Variants in ABHD2 observed in about 807,000 individuals in gnomAD.
The protein encoded by ABHD2 is abhydrolase domain containing 2, acylglycerol lipase.
In ABHD2, 20 loss-of-function variants were observed where a neutral mutation model predicts 48.1. The ratio of observed to expected loss-of-function variants is 0.42; its 90% CI spans 0.29 to 0.60. ABHD2 has a LOEUF of 0.60. ABHD2 is among the 20% of genes least tolerant of loss of function. The pLI is 0.24. For synonymous variants in ABHD2, 209 were observed against 214.2 expected (o/e 0.98, Z 0.21); for missense variants, 405 against 550.9 (o/e 0.74, Z 2.65).
rs554544478 is a variant in ABHD2, at chr15:89,175,415, G to T, written c.539-397G>T. ...GGTGGGGTCTCACCATTTTGTCCAGGCTGGCCTAGCTTTTATTTAGGTCTG... is the reference window on the plus strand; with the variant it reads ...GGTGGGGTCTCACCATTTTGTCCAGTCTGGCCTAGCTTTTATTTAGGTCTG... On this transcript the variant is annotated intron_variant, in intron 5 of 10. Coordinates refer to ENST00000352732, the MANE Select transcript of ABHD2 (RefSeq NM_152924.5). The surrounding 1 kb of genome is among the most constrained non-coding windows in gnomAD (Gnocchi z 5.7). Among the ~76,000 whole-genome samples the T allele has an allele frequency of 6.6e-6, 1 of 151,992 alleles. No homozygotes were observed. The highest frequency in any genetic ancestry group is 1.5e-5 in the Non-Finnish European group (1 of 67,988).
At chr15:89,042,668 A>C in the ABHD2 span, among the ~76,000 whole-genome samples, 1 of 147,354 alleles carries the variant, frequency 6.8e-6, no homozygotes, top group African/African-American at 2.5e-5. Flanking sequence ...CTTTTTCGAG[A>C]CAGAGTCTTG....
chr15:89,053,213 A>G, the ABHD2 span, among the ~76,000 whole-genome samples: 42 of 151,898 alleles, frequency 2.8e-4, no homozygotes, highest in Admixed American at 2.3e-3. Flanking sequence ...TGATCCGCCC[A>G]CCTCAACCTC....
rs1321609178 is a variant in ABHD2 at position 89,200,749 on chromosome 15, C to T, written c.*5326C>T. 3 of 237,846 alleles carry T rather than the reference C, an allele frequency of 1.3e-5. 1 individual carries two copies. Among genetic ancestry groups the T allele is most frequent in the East Asian group, 2.1e-4 (2 of 9,446 alleles). The allele number at this position is 237,846 out of a possible 1,614,324, so 14.7% of individuals were successfully genotyped here. ...CAAGAGAAAAAAAAAAGAAATAGCA[C>T]TCTGCATGCTTTGCTCTACAAGACG... is the stretch of plus-strand genomic sequence containing the variant. On this transcript the variant is annotated 3_prime_UTR_variant, in exon 11 of 11. Coordinates refer to ENST00000352732, the MANE Select transcript of ABHD2 (RefSeq NM_152924.5).
rs958540084 is a variant in ABHD2 at position 89,176,110 on chromosome 15, G to C, written c.722+115G>C. On this transcript the variant is annotated intron_variant, in intron 6 of 10. Transcript: ENST00000352732. This position sits in a 1 kb window ranked among gnomAD's most constrained non-coding sequence, Gnocchi z 4.5. ...GGGGAACACTGTGGCCGACTGAGTA[G>C]AAGTTTCTGAGTCTTGGACTCACCT... 6 of 1,153,032 alleles carry C rather than the reference G, an allele frequency of 5.2e-6. No homozygotes were observed. Among genetic ancestry groups the C allele is most frequent in the Non-Finnish European group, 7.3e-6 (6 of 826,352 alleles). The allele number at this position is 1,153,032 out of a possible 1,614,324, so 71.4% of individuals were successfully genotyped here.
At chr15:89,108,843 G>A (rs1294657627) in intron 1 of ABHD2, among the ~76,000 whole-genome samples, 3 of 152,178 alleles carry the variant, frequency 2.0e-5, no homozygotes, top group African/African-American at 7.2e-5. Context: ...GAAAATGGCC[G>A]TTTTCTGTTA....
chr15:89,058,091 TGAA>T, the ABHD2 span, among the ~76,000 whole-genome samples: 3 of 152,198 alleles, frequency 2.0e-5, no homozygotes, highest in Admixed American at 2.0e-4. Flanking sequence ...AACCCTTAAA[TGAA>T]GTATGCTCCA....
At chr15:89,074,184 A>G in the ABHD2 span, among the ~76,000 whole-genome samples, 4 of 151,972 alleles carry the variant, frequency 2.6e-5, no homozygotes, top group South Asian at 2.1e-4. Flanking sequence ...GACCAGCCTG[A>G]CCAACATGGG....
At chr15:89,055,315 A>C in the ABHD2 span, among the ~76,000 whole-genome samples, 1 of 146,146 alleles carries the variant, frequency 6.8e-6, no homozygotes, top group Admixed American at 7.0e-5. Context: ...AAAGTAAAAC[A>C]CTAGTTTCTT....
In ABHD2 at chr15:89,201,721, G is replaced by A; in HGVS notation, c.*6298G>A. 2 of 1,604,284 alleles carry A rather than the reference G, an allele frequency of 1.2e-6. No individual in the cohort carries two copies. Among genetic ancestry groups the A allele is most frequent in the South Asian group, 2.2e-5 (2 of 90,902 alleles). On this transcript the variant is annotated 3_prime_UTR_variant, in exon 11 of 11. Coordinates refer to ENST00000352732, the MANE Select transcript of ABHD2 (RefSeq NM_152924.5). ...TTTGTAGTGACTACATCTGTGAAGG[G>A]GCCTTTGAATTTGAGGTCTATGGGC...
intron 3 of ABHD2, chr15:89,136,149 G>A (rs1256873970): frequency 4.0e-5 from 8 of 198,836 alleles, no homozygotes; most frequent in African/African-American, 1.7e-4. Context: ...GGCTGGCCTC[G>A]AACTCCTGAC....
At position 89,184,182 on chromosome 15, in the gene ABHD2, C is replaced by T. The variant is rs905584757; in HGVS notation, c.723-1242C>T. 5.3e-5 allele frequency among the ~76,000 whole-genome samples: 8 copies of T among 152,206 alleles called. No homozygotes were observed. The highest frequency in any genetic ancestry group is 1.2e-4 in the African/African-American group (5 of 41,448). On this transcript the variant is annotated intron_variant, in intron 6 of 10. Transcript: ENST00000352732. This position sits in a 1 kb window ranked among gnomAD's most constrained non-coding sequence, Gnocchi z 5.1. ...AAACCATTTCATTCTTAACTCCCCA[C>T]TACCTCTTATTTTTTAACCACGACA...
intron 9 of ABHD2, among the ~76,000 whole-genome samples, chr15:89,191,608 T>C (rs1288263350): frequency 6.6e-6 from 1 of 151,452 alleles, no homozygotes; most frequent in African/African-American, 2.4e-5. Flanking sequence ...AAAGTAATGA[T>C]GAGCATGTCT....
the ABHD2 span, among the ~76,000 whole-genome samples, chr15:89,064,348 T>C: frequency 6.6e-6 from 1 of 151,580 alleles, no homozygotes; most frequent in East Asian, 1.9e-4. Flanking sequence ...GCCTCCTGAG[T>C]AGCTGGGACT....
the ABHD2 span, among the ~76,000 whole-genome samples, chr15:89,064,804 A>T: frequency 6.6e-6 from 1 of 152,250 alleles, no homozygotes; most frequent in Admixed American, 6.5e-5. Context: ...GAAACATATC[A>T]CACAGGAGAG....
intron 3 of ABHD2, among the ~76,000 whole-genome samples, chr15:89,127,321 G>T (rs2050144649): frequency 6.6e-6 from 1 of 152,284 alleles, no homozygotes; most frequent in African/African-American, 2.4e-5. Context: ...CATTATAAGA[G>T]TCTGTAATCC....
chr15:89,115,219 C>T (rs957215288), intron 2 of ABHD2, among the ~76,000 whole-genome samples: 1 of 152,114 alleles, frequency 6.6e-6, no homozygotes, highest in African/African-American at 2.4e-5. Context: ...TGAGAGTTAC[C>T]ATTTTCTCTT....
chr15:89,150,980 A>G (rs1217152240), intron 3 of ABHD2, among the ~76,000 whole-genome samples: 2 of 152,260 alleles, frequency 1.3e-5, no homozygotes, highest in African/African-American at 4.8e-5. Context: ...TGCATTTCCT[A>G]CCAACGCCTA....
At chr15:89,130,469 A>T (rs768051011) in intron 3 of ABHD2, among the ~76,000 whole-genome samples, 1 of 152,200 alleles carries the variant, frequency 6.6e-6, no homozygotes, top group African/African-American at 2.4e-5. Flanking sequence ...CAAGGGAGAT[A>T]ATACAGTCAT....
At chr15:89,044,461 G>T in the ABHD2 span, among the ~76,000 whole-genome samples, 23,073 of 151,320 alleles carry the variant, frequency 0.15, 2,220 homozygotes, top group Non-Finnish European at 0.21. Context: ...TAGTTCTAGA[G>T]CCCTGAGGAA....
Sources: gnomAD v4.1 joint callset for allele counts (sites outside exome capture counted in the v4.1 genomes callset) on GRCh38, gnomAD v4.1.1 for gene constraint, Gnocchi (gnomAD v3.1) non-coding constraint, MANE v1.5 for transcripts, NCBI Gene and HGNC (gene_info 2026-07-23, HGNC 2026-07-21) for gene names.